Variants in SPPL2B observed in about 807,000 individuals in gnomAD.
The protein encoded by SPPL2B is signal peptide peptidase-like 2B.
SPPL2B carries 39 observed loss-of-function variants against 59.7 expected under a neutral mutation model. The observed-to-expected ratio is 0.65, with a 90% CI of 0.51 to 0.85. The LOEUF (loss-of-function observed/expected upper bound fraction) is 0.85, where lower values mean the gene tolerates loss of function less well. SPPL2B is among the 40% of genes least tolerant of loss of function. The pLI is 0.00. For synonymous variants in SPPL2B, 419 were observed against 370.8 expected, an observed-to-expected ratio of 1.13 and a Z score of -1.49; for missense variants, 865 against 849.0, an observed-to-expected ratio of 1.02 and a Z score of -0.23.
In SPPL2B at chr19:2,353,181, C is replaced by G; in HGVS notation, c.1751C>G (p.Pro584Arg). The change falls in exon 15 of 15, where the codon CCG (proline) becomes CGG (arginine). Residue 584 changes from proline (P) to arginine (R), a missense_variant. Pro to Arg is a moderately radical substitution (Grantham distance 103). Transcript: ENST00000613503. ...GGCCGGGACCAGGCCCAGCCGTCCC[C>G]GGTAACCCAGCCTGGCGCCTCGGCC... The part of the protein sequence containing the change: ...SEGRDQAQPS[P>R]VTQPGASA 2 of 1,606,420 alleles carry G rather than the reference C, an allele frequency of 1.2e-6. No individual in the cohort carries two copies. The highest frequency in any genetic ancestry group is 8.5e-7 in the Non-Finnish European group (1 of 1,179,118).
At position 2,337,484 on chromosome 19, in the gene SPPL2B, C is replaced by T. The variant is rs766568932; in HGVS notation, c.228C>T (p.Cys76=). 9 of 1,612,674 alleles carry T rather than the reference C, an allele frequency of 5.6e-6. No homozygotes were observed. Among genetic ancestry groups the T allele is most frequent in the Non-Finnish European group, 6.8e-6 (8 of 1,179,402 alleles). The change falls in exon 3 of 15, where the codon TGC becomes TGT. Residue 76 remains cysteine (C), a synonymous_variant. Coordinates refer to ENST00000613503, the MANE Select transcript of SPPL2B (RefSeq NM_152988.3). ...GCAACTGGACGGCCTCCCTGCTCTG[C>T]TCCGCAGCCGACCTCCCCGCCCGTG... is the stretch of plus-strand genomic sequence containing the variant. ...QLRNWTASLL[C]SAADLPARGF...
At chr19:2,347,493 GCA>G (rs1437434361) in intron 13 of SPPL2B, among the ~76,000 whole-genome samples, 1 of 22,032 alleles carries the variant, frequency 4.5e-5, no homozygotes, top group Non-Finnish European at 7.1e-5. Flanking sequence ...ACACACTCAC[GCA>G]CTCTTATTCG....
intron 1 of SPPL2B, among the ~76,000 whole-genome samples, chr19:2,330,011 G>A (rs901249995): frequency 4.6e-5 from 7 of 151,868 alleles, no homozygotes; most frequent in African/African-American, 1.7e-4. Flanking sequence ...GAGCTCCCCA[G>A]ACATTTGGAA....
chr19:2,339,530 C>T, intron 5 of SPPL2B: 1 of 581,562 alleles, frequency 1.7e-6, no homozygotes, highest in South Asian at 2.0e-5. Context: ...TGGGGAGGCC[C>T]CATGTCCAGG....
chr19:2,337,472 C>G lies in SPPL2B; in HGVS notation c.216C>G (p.Ala72=), dbSNP rs540644979. The part of the protein sequence containing the change: ...ASFLQLRNWT[A]SLLCSAADLP... Reference sequence around the variant, plus strand: ...TCCTGCAGCTGCGCAACTGGACGGCCTCCCTGCTCTGCTCCGCAGCCGACC... The same window carrying G: ...TCCTGCAGCTGCGCAACTGGACGGCGTCCCTGCTCTGCTCCGCAGCCGACC... Residue 72 remains alanine (A), a synonymous_variant, in exon 3 of 15, where the codon GCC becomes GCG. Transcript: ENST00000613503. The G allele has an allele frequency of 2.7e-4, 435 of 1,610,272 alleles. 8 individuals are homozygous for G. In the South Asian group the frequency reaches 4.3e-3, roughly 16 times the overall value.
chr19:2,351,576 G>T lies in SPPL2B; in HGVS notation c.1497G>T (p.Trp499Cys). The change falls in exon 14 of 15, where the codon TGG becomes TGT. Residue 499 changes from tryptophan (W) to cysteine (C), a missense_variant. Coordinates refer to ENST00000613503, the MANE Select transcript of SPPL2B (RefSeq NM_152988.3). ...GGCGCCGGGAGCTGGGCGTGTTCTG[G>T]ACGGGCAGCGGCTTTGCGGTGAATA... ...ALWRRELGVFWTGSGFAKVLP... is the reference protein window; with the variant it reads ...ALWRRELGVFCTGSGFAKVLP... The T allele has an allele frequency of 1.2e-6, 2 of 1,610,670 alleles. No homozygotes were observed. The highest frequency in any genetic ancestry group is 1.7e-6 in the Non-Finnish European group (2 of 1,178,748).
rs1008920 is a variant in SPPL2B at position 2,337,827 on chromosome 19, C to T, written c.369+202C>T. On this transcript the variant is annotated intron_variant, in intron 3 of 14. Transcript: ENST00000613503. The stretch of plus-strand genomic sequence containing the variant: ...TGGGGAGGGCGGAGATGAGTCTGTT[C>T]TTCCTGAGCTGCTGGCTGGGGCTGT... 3.9e-3 allele frequency: 2,192 copies of T among 562,150 alleles called. 34 individuals carry two copies. The highest frequency in any genetic ancestry group is 0.037 in the African/African-American group (1,926 of 52,260). The allele number at this position is 562,150 out of a possible 1,614,324, so 34.8% of individuals were successfully genotyped here. A position where few individuals can be genotyped will look rare whatever the true frequency, so the allele number is the denominator to read the frequency against.
intron 13 of SPPL2B, among the ~76,000 whole-genome samples, chr19:2,345,909 A>G (rs1969343025): frequency 7.9e-6 from 1 of 127,262 alleles, no homozygotes; most frequent in East Asian, 2.3e-4. Context: ...CTGTGTCCAC[A>G]TCCTGGTCTT....
chr19:2,342,606 TC>T (rs1297823036), intron 8 of SPPL2B: 1 of 152,998 alleles, frequency 6.5e-6, no homozygotes, highest in African/African-American at 2.4e-5. Context: ...CGAGTCAAGA[TC>T]GTGCCACCAA....
chr19:2,333,772 C>G (rs1968413125), intron 1 of SPPL2B, among the ~76,000 whole-genome samples: 1 of 152,246 alleles, frequency 6.6e-6, no homozygotes, highest in Admixed American at 6.5e-5. Flanking sequence ...GTGGCCTTCT[C>G]TGAGCTGCTG....
At position 2,344,572 on chromosome 19, in the gene SPPL2B, T is replaced by C. The variant is rs2145180305; in HGVS notation, c.1196T>C (p.Val399Ala). 1 of 1,612,844 alleles carries C rather than the reference T, an allele frequency of 6.2e-7. No homozygotes were observed. Among genetic ancestry groups the C allele is most frequent in the Admixed American group, 1.7e-5 (1 of 59,966 alleles). Residue 399 changes from valine to alanine, a missense_variant, in exon 12 of 15, where the codon GTG becomes GCG. Transcript: ENST00000613503. ...TREKLPMVLKVPRLNSSPLAL... is the reference protein window; with the variant it reads ...TREKLPMVLKAPRLNSSPLAL... Reference sequence around the variant, plus strand: ...TTGCAGCTGCCCATGGTCCTGAAGGTGCCCAGGCTGAACTCCTCACCTCTG... The same window carrying C: ...TTGCAGCTGCCCATGGTCCTGAAGGCGCCCAGGCTGAACTCCTCACCTCTG...
intron 10 of SPPL2B, 123 bp from the exon 11 acceptor site, chr19:2,344,239 C>T (rs1313798944): frequency 9.6e-6 from 5 of 519,030 alleles, no homozygotes; most frequent in Admixed American, 2.9e-5. Context: ...TGCCCCATCA[C>T]CCCCCATCAC....
Position 2,353,243 on chromosome 19 carries a change from A to G in SPPL2B, c.*34A>G, listed in dbSNP as rs748830983. The G allele has an allele frequency of 6.4e-7, 1 of 1,565,462 alleles. No homozygotes were observed. The highest frequency in any genetic ancestry group is 8.6e-7 in the Non-Finnish European group (1 of 1,166,346). ...TGAGACGCTCGCTGCCGTGCCCGCC[A>G]CACCAAGATGTTGGGGCTGCCTGGC... On this transcript the variant is annotated 3_prime_UTR_variant, in exon 15 of 15. Coordinates refer to ENST00000613503, the MANE Select transcript of SPPL2B (RefSeq NM_152988.3).
intron 13 of SPPL2B, among the ~76,000 whole-genome samples, chr19:2,347,328 C>G (rs1252385486): frequency 3.4e-5 from 3 of 88,056 alleles, no homozygotes; most frequent in Admixed American, 1.1e-4. Flanking sequence ...CTCACGCGCT[C>G]TCATTCGCCT....
rs371763993 is a variant in SPPL2B at position 2,339,991 on chromosome 19, C to T, written c.742+25C>T. 3.2e-3 allele frequency: 4,953 copies of T among 1,551,998 alleles called. 10 individuals carry two copies. The highest frequency in any genetic ancestry group is 3.9e-3 in the Non-Finnish European group (4,426 of 1,147,078). On this transcript the variant is annotated intron_variant, in intron 6 of 14. Transcript: ENST00000613503. ...GGTGCGCGGCCCCGGGCGGGTGGGC[C>T]GCGGCGTGGAGATGCAGCCCGCCCC...
At chr19:2,341,126 C>A in intron 8 of SPPL2B, 112 bp downstream of exon 8, 1 of 783,430 alleles carries the variant, frequency 1.3e-6, no homozygotes, top group Non-Finnish European at 2.2e-6. Flanking sequence ...CCTGGAGCTG[C>A]TTCAGCACCG....
chr19:2,344,351 AT>A lies in SPPL2B; in HGVS notation c.1114-9del. 2 of 1,011,574 alleles carry A rather than the reference AT, an allele frequency of 2.0e-6. No individual in the cohort carries two copies. Among genetic ancestry groups the A allele is most frequent in the Admixed American group, 3.1e-5 (1 of 32,244 alleles). 62.7% of individuals were successfully genotyped at this position (1,011,574 alleles called of 1,614,324 possible). A position where few individuals can be genotyped will look rare whatever the true frequency, so the allele number is the denominator to read the frequency against. ...TCACCACGCTCCCTCACTCAACCCCATTCTGTGCAGAGTGGGAGCAGCATCA... is the reference window on the plus strand; with the variant it reads ...TCACCACGCTCCCTCACTCAACCCCATCTGTGCAGAGTGGGAGCAGCATCA... On this transcript the variant is annotated splice_polypyrimidine_tract_variant and intron_variant, in intron 10 of 14. Coordinates refer to ENST00000613503, the MANE Select transcript of SPPL2B (RefSeq NM_152988.3).
At chr19:2,329,679 C>T (rs1968178639) in intron 1 of SPPL2B, among the ~76,000 whole-genome samples, 1 of 152,114 alleles carries the variant, frequency 6.6e-6, no homozygotes, top group South Asian at 2.1e-4. Context: ...CTCCTCCAGC[C>T]CCACCGCTAT....
Position 2,332,421 on chromosome 19 carries a change from T to G in SPPL2B, c.67-2181T>G, listed in dbSNP as rs1052255396. Among the ~76,000 whole-genome samples the G allele has an allele frequency of 1.3e-5, 2 of 152,246 alleles. No individual in the cohort carries two copies. The highest frequency in any genetic ancestry group is 4.8e-5 in the African/African-American group (2 of 41,462). On this transcript the variant is annotated intron_variant, in intron 1 of 14. Transcript: ENST00000613503. The surrounding 1 kb of genome is among the most constrained non-coding windows in gnomAD (Gnocchi z 4.6). ...AGCCAGAGCTGTCCTTCCCCAGTCC[T>G]AGCTTGGCAGAGCTGCGTCTGCACT... is the stretch of plus-strand genomic sequence containing the variant.
Sources: allele counts gnomAD v4.1 joint callset (sites outside exome capture counted in the v4.1 genomes callset), GRCh38; gene constraint gnomAD v4.1.1; non-coding constraint Gnocchi (gnomAD v3.1); transcripts MANE v1.5; gene names NCBI Gene and HGNC (gene_info 2026-07-23, HGNC 2026-07-21).